Variants in ST6GALNAC3 observed in about 807,000 individuals in gnomAD.
ST6GALNAC3 encodes alpha-N-acetylgalactosaminide alpha-2,6-sialyltransferase 3.
ST6GALNAC3 carries 25 observed loss-of-function variants against 32.7 expected under a neutral mutation model. That is an observed-to-expected ratio of 0.76 (90% CI 0.56 to 1.07). ST6GALNAC3 has a LOEUF of 1.07. ST6GALNAC3 is among the 50% of genes least tolerant of loss of function. The probability of loss-of-function intolerance (pLI) is 0.00; values close to 1 mark genes in which losing one functional copy is unlikely to be tolerated. For missense variants in ST6GALNAC3, 355 were observed against 382.4 expected, an observed-to-expected ratio of 0.93 and a Z score of 0.60; for synonymous variants, 129 against 133.1, an observed-to-expected ratio of 0.97 and a Z score of 0.21.
chr1:76,156,281 T>C (rs770988509), intron 1 of ST6GALNAC3, among the ~76,000 whole-genome samples: 18 of 151,048 alleles, frequency 1.2e-4, no homozygotes, highest in Non-Finnish European at 2.2e-4. Flanking sequence ...TCTCGTAAAG[T>C]TACTGTCCCC....
intron 3 of ST6GALNAC3, among the ~76,000 whole-genome samples, chr1:76,434,892 G>C (rs879323456): frequency 1.4e-5 from 2 of 142,022 alleles, no homozygotes; most frequent in African/African-American, 2.6e-5. Flanking sequence ...CCAGATTCAA[G>C]CAATTCTCCT....
rs1403912822 is a variant in ST6GALNAC3 at position 76,496,686 on chromosome 1, G to T, written c.623+84269G>T. On this transcript the variant is annotated intron_variant, in intron 3 of 4. Coordinates refer to ENST00000328299, the MANE Select transcript of ST6GALNAC3 (RefSeq NM_152996.4). ...TCTCAAAAAGGTTTGCTTTCCTGTG[G>T]AGTAAGAGGTATAATTAAATTGTGT... 2.0e-5 allele frequency among the ~76,000 whole-genome samples: 3 copies of T among 152,128 alleles called. No homozygotes were observed. The South Asian group carries it at 6.2e-4, about 31-fold the overall frequency.
chr1:76,144,442 T>C (rs1329370585), intron 1 of ST6GALNAC3, among the ~76,000 whole-genome samples: 1 of 152,262 alleles, frequency 6.6e-6, no homozygotes, highest in Non-Finnish European at 1.5e-5. Context: ...TAGTTGAACT[T>C]GACAAATATT....
intron 3 of ST6GALNAC3, among the ~76,000 whole-genome samples, chr1:76,462,908 C>A (rs907974587): frequency 1.3e-5 from 2 of 152,090 alleles, no homozygotes; most frequent in Admixed American, 6.6e-5. Context: ...CTGCTGTGTA[C>A]CAGATTGTAC....
At chr1:76,569,197 A>G (rs567608174) in intron 3 of ST6GALNAC3, among the ~76,000 whole-genome samples, 1 of 152,286 alleles carries the variant, frequency 6.6e-6, no homozygotes, top group Non-Finnish European at 1.5e-5. Context: ...CAAAAACAAA[A>G]CAAAACAAAA....
At chr1:76,196,796 T>G (rs1403414505) in intron 1 of ST6GALNAC3, among the ~76,000 whole-genome samples, 2 of 152,148 alleles carry the variant, frequency 1.3e-5, no homozygotes, top group African/African-American at 4.8e-5. Context: ...GTAAAGGGAT[T>G]CTAAGATGCA....
chr1:76,319,351 G>GT (rs1646925861), intron 2 of ST6GALNAC3, among the ~76,000 whole-genome samples: 1 of 152,086 alleles, frequency 6.6e-6, no homozygotes, highest in East Asian at 1.9e-4. Flanking sequence ...AAATGAGAAC[G>GT]TTTTAAAACC....
chr1:76,490,867 T>G (rs11162167), intron 3 of ST6GALNAC3, among the ~76,000 whole-genome samples: 9 of 78,026 alleles, frequency 1.2e-4, no homozygotes, highest in African/African-American at 4.1e-4. Context: ...TTTTTTTTTG[T>G]TTTTTTTTGA....
At chr1:76,263,883 T>C (rs1385729157) in intron 1 of ST6GALNAC3, among the ~76,000 whole-genome samples, 1 of 152,154 alleles carries the variant, frequency 6.6e-6, no homozygotes, top group Non-Finnish European at 1.5e-5. Flanking sequence ...TGAATATGAA[T>C]GGTATTTGGT....
At chr1:76,618,814 T>C (rs1416373513) in intron 3 of ST6GALNAC3, among the ~76,000 whole-genome samples, 1 of 152,172 alleles carries the variant, frequency 6.6e-6, no homozygotes, top group Non-Finnish European at 1.5e-5. Flanking sequence ...CATCACAATG[T>C]TGACTCTTCG....
chr1:76,618,179 C>G (rs485141), intron 3 of ST6GALNAC3, among the ~76,000 whole-genome samples: 2 of 152,064 alleles, frequency 1.3e-5, no homozygotes, highest in African/African-American at 4.8e-5. Flanking sequence ...ATTAGAGAAA[C>G]TGTAGCCTGG....
intron 3 of ST6GALNAC3, among the ~76,000 whole-genome samples, chr1:76,550,084 C>T (rs529319487): frequency 1.2e-4 from 19 of 152,272 alleles, no homozygotes; most frequent in African/African-American, 4.1e-4. Context: ...TTGTTGTTAA[C>T]ATGCATTGCA....
intron 3 of ST6GALNAC3, among the ~76,000 whole-genome samples, chr1:76,512,335 C>T (rs1460893163): frequency 6.6e-6 from 1 of 152,124 alleles, no homozygotes; most frequent in Non-Finnish European, 1.5e-5. Flanking sequence ...TCCATGCATA[C>T]ACCATGTATT....
At chr1:76,525,236 T>A (rs1355778001) in intron 3 of ST6GALNAC3, among the ~76,000 whole-genome samples, 6 of 152,094 alleles carry the variant, frequency 3.9e-5, no homozygotes, top group Non-Finnish European at 5.9e-5. Context: ...CCATGGAACA[T>A]TTCCCATAGG....
intron 1 of ST6GALNAC3, among the ~76,000 whole-genome samples, chr1:76,233,188 C>T (rs1399880708): frequency 6.6e-6 from 1 of 152,138 alleles, no homozygotes; most frequent in Non-Finnish European, 1.5e-5. Flanking sequence ...ATTACTATTA[C>T]AACTATTATC....
chr1:76,371,633 C>A lies in ST6GALNAC3; in HGVS notation c.214-40375C>A, dbSNP rs534804245. Among the ~76,000 whole-genome samples, 564 of 152,272 alleles carry A rather than the reference C, an allele frequency of 3.7e-3. 2 individuals are homozygous for A. Among genetic ancestry groups the A allele is most frequent in the African/African-American group, 0.013 (552 of 41,544 alleles). ...ATGTCACCTGTTGGCAGTAGCGAGT[C>A]CGAGATTCTCTCGTATCTGAACCTC... is the stretch of plus-strand genomic sequence containing the variant. On this transcript the variant is annotated intron_variant, in intron 2 of 4. Coordinates refer to ENST00000328299, the MANE Select transcript of ST6GALNAC3 (RefSeq NM_152996.4).
chr1:76,441,760 C>T (rs1557889332), intron 3 of ST6GALNAC3, among the ~76,000 whole-genome samples: 1 of 152,098 alleles, frequency 6.6e-6, no homozygotes, highest in Non-Finnish European at 1.5e-5. Flanking sequence ...CACCTCCCCC[C>T]ACCCTTCCAC....
intron 3 of ST6GALNAC3, among the ~76,000 whole-genome samples, chr1:76,618,743 G>A (rs898621636): frequency 1.3e-5 from 2 of 152,022 alleles, no homozygotes; most frequent in African/African-American, 2.4e-5. Context: ...TTGTTCTCAC[G>A]ATAAAGAGGA....
chr1:76,117,913 A>G (rs1042867765), intron 1 of ST6GALNAC3, among the ~76,000 whole-genome samples: 2 of 152,248 alleles, frequency 1.3e-5, no homozygotes, highest in African/African-American at 4.8e-5. Context: ...AGGTAATAAT[A>G]GTACCTACTT....
Sources: gnomAD v4.1 joint callset for allele counts (sites outside exome capture counted in the v4.1 genomes callset) on GRCh38, gnomAD v4.1.1 for gene constraint, MANE v1.5 for transcripts, NCBI Gene and HGNC (gene_info 2026-07-23, HGNC 2026-07-21) for gene names.